MYO1B: variants seen among roughly 807,000 people sequenced by gnomAD.
MYO1B encodes the protein unconventional myosin-Ib.
In MYO1B, 72 loss-of-function variants were observed where a neutral mutation model predicts 159.7. The observed-to-expected ratio is 0.45, with a 90% CI of 0.37 to 0.55. The LOEUF is 0.55. Among genes scored for constraint, MYO1B ranks in the 20% least tolerant of loss-of-function variants. The pLI, the probability that MYO1B is intolerant of heterozygous loss-of-function variation, is 0.00. For synonymous variants in MYO1B, 468 were observed against 473.8 expected (o/e 0.99, Z 0.16); for missense variants, 1,062 against 1,364.8 (o/e 0.78, Z 3.50).
At chr2:191,319,482 C>T (rs1384064537) in intron 3 of MYO1B, among the ~76,000 whole-genome samples, 1 of 152,156 alleles carries the variant, frequency 6.6e-6, no homozygotes, top group African/African-American at 2.4e-5. Flanking sequence ...AAAATTAAGA[C>T]ATGGATTTGG....
intron 7 of MYO1B, among the ~76,000 whole-genome samples, chr2:191,357,997 T>G (rs530117579): frequency 6.6e-6 from 1 of 152,344 alleles, no homozygotes; most frequent in East Asian, 1.9e-4. Flanking sequence ...TGGTAAAACC[T>G]TCAACTGCTT....
At position 191,276,609 on chromosome 2, in the gene MYO1B, A is replaced by T. The variant is rs115892417; in HGVS notation, c.-9-278A>T. 4.2e-3 allele frequency among the ~76,000 whole-genome samples: 646 copies of T among 152,076 alleles called. 3 individuals carry two copies. Among genetic ancestry groups the T allele is most frequent in the Non-Finnish European group, 5.0e-3 (339 of 67,982 alleles). The stretch of plus-strand genomic sequence containing the variant: ...AGTTTTGCGACTCTCTGCTGAGGAG[A>T]AGACCATGGCTTTCTAGTGGCTTTT... On this transcript the variant is annotated intron_variant, in intron 1 of 30. Transcript: ENST00000392318.
chr2:191,298,183 A>G (rs748893960), intron 3 of MYO1B, among the ~76,000 whole-genome samples: 11 of 152,216 alleles, frequency 7.2e-5, no homozygotes, highest in Non-Finnish European at 1.3e-4. Flanking sequence ...AAGATTATTT[A>G]TTATTTAAAT....
intron 3 of MYO1B, among the ~76,000 whole-genome samples, chr2:191,304,453 C>G (rs1390312561): frequency 6.6e-6 from 1 of 152,054 alleles, no homozygotes; most frequent in Non-Finnish European, 1.5e-5. Flanking sequence ...GCCTGTAGTC[C>G]CAGCTACTCG....
intron 15 of MYO1B, among the ~76,000 whole-genome samples, chr2:191,383,630 A>G (rs1695229314): frequency 6.6e-6 from 1 of 151,500 alleles, no homozygotes; most frequent in Non-Finnish European, 1.5e-5. Flanking sequence ...TTGAACACAT[A>G]CATAGACAGC....
intron 13 of MYO1B, among the ~76,000 whole-genome samples, chr2:191,374,056 G>T (rs879835078): frequency 1.3e-5 from 2 of 152,088 alleles, no homozygotes; most frequent in African/African-American, 4.8e-5. Context: ...AGTTACAGAC[G>T]TGTTTTTCTT....
intron 26 of MYO1B, among the ~76,000 whole-genome samples, chr2:191,410,045 A>G (rs1203289297): frequency 6.6e-6 from 1 of 152,204 alleles, no homozygotes; most frequent in East Asian, 1.9e-4. Context: ...AAGTGGTACC[A>G]TACAACATAA....
At chr2:191,338,835 G>T (rs1172468126) in intron 4 of MYO1B, among the ~76,000 whole-genome samples, 1 of 152,172 alleles carries the variant, frequency 6.6e-6, no homozygotes, top group Non-Finnish European at 1.5e-5. Flanking sequence ...TTACCTAAAA[G>T]AAAACTTACC....
In MYO1B at chr2:191,383,232, C is replaced by T. The variant is rs746563218; in HGVS notation, c.1291-48C>T. ...AAGTCTGTTTTATGGATGGTAGTGT[C>T]GTGGCTTCATCTTGTGTCATTGGAT... is the stretch of plus-strand genomic sequence containing the variant. On this transcript the variant is annotated intron_variant, in intron 14 of 30. Coordinates refer to ENST00000392318, the MANE Select transcript of MYO1B (RefSeq NM_001130158.3). The T allele has an allele frequency of 1.4e-5, 16 of 1,171,796 alleles. No homozygotes were observed. The South Asian group carries it at 1.4e-4, about 10-fold the overall frequency. 72.6% of individuals were successfully genotyped at this position (1,171,796 alleles called of 1,614,324 possible).
chr2:191,355,838 G>A (rs13415151), intron 7 of MYO1B, among the ~76,000 whole-genome samples: 3,364 of 152,272 alleles, frequency 0.022, 116 homozygotes, highest in African/African-American at 0.075. Context: ...AAAGCAAAAG[G>A]AAATGGCCAC....
intron 3 of MYO1B, among the ~76,000 whole-genome samples, chr2:191,298,791 A>G (rs1029299203): frequency 9.9e-5 from 15 of 152,234 alleles, no homozygotes; most frequent in African/African-American, 3.6e-4. Context: ...CACTATTACA[A>G]ATGGGGAAAT....
chr2:191,261,049 T>C (rs187446351), intron 1 of MYO1B, among the ~76,000 whole-genome samples: 2 of 152,264 alleles, frequency 1.3e-5, no homozygotes, highest in East Asian at 3.9e-4. Flanking sequence ...TTGTTGGTGT[T>C]CTCTTTTTCT....
intron 7 of MYO1B, among the ~76,000 whole-genome samples, chr2:191,358,103 G>A (rs879314441): frequency 1.3e-5 from 2 of 152,064 alleles, no homozygotes; most frequent in Admixed American, 1.3e-4. Flanking sequence ...TAAGGACATT[G>A]CTTTTTTTTT....
intron 18 of MYO1B, among the ~76,000 whole-genome samples, chr2:191,391,095 A>G (rs548981984): frequency 6.6e-6 from 1 of 152,302 alleles, no homozygotes; most frequent in East Asian, 1.9e-4. Flanking sequence ...ATGTCCTGTG[A>G]GCTCTCCACA....
At chr2:191,315,146 A>T (rs992480334) in intron 3 of MYO1B, among the ~76,000 whole-genome samples, 1 of 129,888 alleles carries the variant, frequency 7.7e-6, no homozygotes, top group Non-Finnish European at 1.7e-5. Context: ...TTATCCTCCC[A>T]CCGTCCGTCC....
chr2:191,333,382 T>A (rs1335137109), intron 4 of MYO1B, among the ~76,000 whole-genome samples: 1 of 152,208 alleles, frequency 6.6e-6, no homozygotes, highest in African/African-American at 2.4e-5. Flanking sequence ...CCAATCTTTC[T>A]GATCTCAATA....
rs372442279 is a variant in MYO1B at position 191,259,647 on chromosome 2, A to T, written c.-10+14021A>T. Among the ~76,000 whole-genome samples, 18 of 152,186 alleles carry T rather than the reference A, an allele frequency of 1.2e-4. No homozygotes were observed. The East Asian group carries it at 2.9e-3, about 25-fold the overall frequency. ...TTTTTGTACCTATAACCTTTTCTAT[A>T]TTTTGAATGATTTTCTGACAGTAGA... On this transcript the variant is annotated intron_variant, in intron 1 of 30. Coordinates refer to ENST00000392318, the MANE Select transcript of MYO1B (RefSeq NM_001130158.3).
chr2:191,328,662 C>T (rs1691259513), intron 3 of MYO1B, among the ~76,000 whole-genome samples: 1 of 152,150 alleles, frequency 6.6e-6, no homozygotes, highest in Non-Finnish European at 1.5e-5. Context: ...TTTTGTTTTT[C>T]ATTTGGAACC....
chr2:191,420,323 C>T (rs189385928), intron 30 of MYO1B, among the ~76,000 whole-genome samples: 8 of 152,226 alleles, frequency 5.3e-5, no homozygotes, highest in South Asian at 4.2e-4. Context: ...TAAAGTATAC[C>T]GTAATGTAAT....
Sources: allele counts gnomAD v4.1 joint callset (sites outside exome capture counted in the v4.1 genomes callset), GRCh38; gene constraint gnomAD v4.1.1; transcripts MANE v1.5; gene names NCBI Gene and HGNC (gene_info 2026-07-23, HGNC 2026-07-21).